ENOX1: variants seen among roughly 807,000 people sequenced by gnomAD.
The protein encoded by ENOX1 is ecto-NOX disulfide-thiol exchanger 1.
Under a neutral mutation model 82.5 loss-of-function variants are expected in ENOX1, and 42 were observed. The observed-to-expected ratio is 0.51, with a 90% CI of 0.40 to 0.66. The LOEUF is 0.66. Ranked by LOEUF, ENOX1 falls within the 30% of genes least tolerant of loss-of-function variation. ENOX1 has a pLI of 0.00. For synonymous variants in ENOX1, 271 were observed against 282.2 expected, an observed-to-expected ratio of 0.96 and a Z score of 0.40; for missense variants, 608 against 811.6, an observed-to-expected ratio of 0.75 and a Z score of 3.05.
chr13:43,540,966 T>C (rs2078682062), intron 2 of ENOX1, among the ~76,000 whole-genome samples: 1 of 152,084 alleles, frequency 6.6e-6, no homozygotes. Flanking sequence ...ATGATGTTGG[T>C]AATTCTAAAT....
Position 43,235,563 on chromosome 13 carries a change from T to A in ENOX1, c.1714+1073A>T, listed in dbSNP as rs572607400. On this transcript the variant is annotated intron_variant, in intron 15 of 16. Coordinates refer to ENST00000690772, the MANE Select transcript of ENOX1 (RefSeq NM_001347969.2). ...GCCTGGCCAACATGGCAAAACCCCA[T>A]CTCTACTAAAAATACAAAATTAGCT... 2.6e-5 allele frequency among the ~76,000 whole-genome samples: 4 copies of A among 152,038 alleles called. No individual in the cohort carries two copies. In the East Asian group the frequency reaches 7.7e-4, roughly 29 times the overall value.
At chr13:43,391,665 C>T (rs1323423411) in intron 5 of ENOX1, among the ~76,000 whole-genome samples, 1 of 152,118 alleles carries the variant, frequency 6.6e-6, no homozygotes, top group East Asian at 1.9e-4. Flanking sequence ...AATCCTAAGG[C>T]TTCTACCACA....
intron 1 of ENOX1, among the ~76,000 whole-genome samples, chr13:43,709,666 A>T (rs2087557437): frequency 6.6e-6 from 1 of 152,124 alleles, no homozygotes; most frequent in Admixed American, 6.5e-5. Flanking sequence ...AGATTCCTAA[A>T]TTATACATAG....
chr13:43,770,771 G>A (rs1313746884), intron 1 of ENOX1, among the ~76,000 whole-genome samples: 1 of 151,582 alleles, frequency 6.6e-6, no homozygotes, highest in Non-Finnish European at 1.5e-5. Flanking sequence ...ATCTCTAGTA[G>A]GAATTCTGAG....
At chr13:43,320,998 G>A (rs1304629847) in intron 11 of ENOX1, 2 of 454,986 alleles carry the variant, frequency 4.4e-6, no homozygotes, top group East Asian at 7.0e-5. Context: ...GGCTTAGCAG[G>A]AGACATACAT....
intron 14 of ENOX1, among the ~76,000 whole-genome samples, chr13:43,256,303 G>A (rs1378285478): frequency 6.6e-6 from 1 of 151,994 alleles, no homozygotes. Flanking sequence ...ATAGACAAAT[G>A]GAATTACATC....
At chr13:43,611,215 C>T (rs115871390) in intron 2 of ENOX1, among the ~76,000 whole-genome samples, 16 of 152,288 alleles carry the variant, frequency 1.1e-4, no homozygotes, top group African/African-American at 3.6e-4. Flanking sequence ...CCCGGGGAAA[C>T]TGCCATCCCT....
At chr13:43,711,629 G>A (rs1172900161) in intron 1 of ENOX1, among the ~76,000 whole-genome samples, 1 of 151,880 alleles carries the variant, frequency 6.6e-6, no homozygotes, top group Non-Finnish European at 1.5e-5. Flanking sequence ...GGTGTGAGAT[G>A]GTATCTCATT....
chr13:43,243,129 CTG>C (rs942390312), intron 14 of ENOX1, among the ~76,000 whole-genome samples: 2 of 105,640 alleles, frequency 1.9e-5, no homozygotes, highest in Non-Finnish European at 3.6e-5. Flanking sequence ...GAGTGAGACT[CTG>C]TCTCAAAAAA....
chr13:43,616,153 G>GATATCTATAT lies in ENOX1; in HGVS notation c.-219+51325_-219+51326insATATAGATAT, dbSNP rs1566641461. Among the ~76,000 whole-genome samples the GATATCTATAT allele has an allele frequency of 9.5e-3, 154 of 16,274 alleles. 4 individuals carry two copies. Among genetic ancestry groups the GATATCTATAT allele is most frequent in the African/African-American group, 0.024 (147 of 6,158 alleles). The allele number at this position is 16,274 out of a possible 152,430, so 10.7% of individuals were successfully genotyped here. Reference sequence around the variant, plus strand: ...ATCTATCTATCTAGATATCTATATAGATAGATATCTATCTATCTATCTATC... The same window carrying GATATCTATAT: ...ATCTATCTATCTAGATATCTATATAGATATCTATATATAGATATCTATCTATCTATCTATC... On this transcript the variant is annotated intron_variant, in intron 2 of 16. Transcript: ENST00000690772.
chr13:43,239,867 C>G (rs2042731433), intron 14 of ENOX1, among the ~76,000 whole-genome samples: 1 of 152,128 alleles, frequency 6.6e-6, no homozygotes, highest in South Asian at 2.1e-4. Flanking sequence ...TTTAATGACT[C>G]ACTAATCATG....
At position 43,586,501 on chromosome 13, in the gene ENOX1, G is replaced by A. The variant is rs573278644; in HGVS notation, c.-219+80978C>T. On this transcript the variant is annotated intron_variant, in intron 2 of 16. Coordinates refer to ENST00000690772, the MANE Select transcript of ENOX1 (RefSeq NM_001347969.2). ...TCAGTACTAAACCAACTGTGTTGGC[G>A]GGCTCTTGACAGTGAGCTCCTTGAG... Among the ~76,000 whole-genome samples the A allele has an allele frequency of 2.1e-4, 32 of 152,210 alleles. 1 individual carries two copies. Among genetic ancestry groups the A allele is most frequent in the East Asian group, 1.7e-3 (9 of 5,174 alleles).
chr13:43,711,386 G>T (rs2771406), intron 1 of ENOX1, among the ~76,000 whole-genome samples: 139,586 of 152,170 alleles, frequency 0.92, 64,303 homozygotes, highest in East Asian at 1. Flanking sequence ...AACATACGTG[G>T]GCATGTGTCT....
intron 1 of ENOX1, among the ~76,000 whole-genome samples, chr13:43,777,252 C>A (rs745924130): frequency 6.6e-6 from 1 of 152,150 alleles, no homozygotes; most frequent in Non-Finnish European, 1.5e-5. Flanking sequence ...GTTACGCTTT[C>A]TTCAGTTACA....
At chr13:43,660,772 T>C (rs1435305393) in intron 2 of ENOX1, among the ~76,000 whole-genome samples, 1 of 152,200 alleles carries the variant, frequency 6.6e-6, no homozygotes, top group Non-Finnish European at 1.5e-5. Context: ...TTAAACTCCA[T>C]TTTGAAAAAT....
chr13:43,498,081 T>C (rs2076854916), intron 2 of ENOX1, among the ~76,000 whole-genome samples: 1 of 152,092 alleles, frequency 6.6e-6, no homozygotes, highest in South Asian at 2.1e-4. Flanking sequence ...GGACCTCCTT[T>C]CTTGGTACAT....
intron 2 of ENOX1, among the ~76,000 whole-genome samples, chr13:43,616,696 GA>G (rs1190042200): frequency 6.6e-6 from 1 of 151,996 alleles, no homozygotes; most frequent in Non-Finnish European, 1.5e-5. Flanking sequence ...CATTTAACAT[GA>G]TTAAATTTAA....
chr13:43,543,498 G>A (rs2078834597), intron 2 of ENOX1, among the ~76,000 whole-genome samples: 1 of 151,772 alleles, frequency 6.6e-6, no homozygotes, highest in Admixed American at 6.6e-5. Flanking sequence ...ATTACGGTTT[G>A]TAGTAAAAAA....
chr13:43,612,041 A>T (rs938957131), intron 2 of ENOX1, among the ~76,000 whole-genome samples: 4 of 152,194 alleles, frequency 2.6e-5, no homozygotes, highest in Admixed American at 6.5e-5. Flanking sequence ...GCATCTTCAC[A>T]TATGAATGTT....
Sources: gnomAD v4.1 joint callset for allele counts (sites outside exome capture counted in the v4.1 genomes callset) on GRCh38, gnomAD v4.1.1 for gene constraint, MANE v1.5 for transcripts, NCBI Gene and HGNC (gene_info 2026-07-23, HGNC 2026-07-21) for gene names.